The following CADPS variants were observed in gnomAD, a reference collection of about 807,000 sequenced individuals.
CADPS encodes the protein calcium dependent secretion activator.
In CADPS, 57 loss-of-function variants were observed where a neutral mutation model predicts 167.3. The observed-to-expected ratio is 0.34, with a 90% CI of 0.28 to 0.42. The LOEUF (loss-of-function observed/expected upper bound fraction) is 0.42, where lower values mean the gene tolerates loss of function less well. Ranked by LOEUF, CADPS falls within the 20% of genes least tolerant of loss-of-function variation. The pLI, the probability that CADPS is intolerant of heterozygous loss-of-function variation, is 1.00. For synonymous variants in CADPS, 676 were observed against 635.3 expected (o/e 1.06, Z -0.96); for missense variants, 1,414 against 1,738.1 (o/e 0.81, Z 3.32).
At chr3:62,483,816 C>T (rs1320489682) in intron 21 of CADPS, among the ~76,000 whole-genome samples, 3 of 152,078 alleles carry the variant, frequency 2.0e-5, no homozygotes, top group African/African-American at 7.2e-5. Flanking sequence ...TCCACTGAGA[C>T]ATGTGTAAGC....
intron 3 of CADPS, among the ~76,000 whole-genome samples, chr3:62,691,637 G>C (rs2079138901): frequency 6.6e-6 from 1 of 152,056 alleles, no homozygotes; most frequent in Non-Finnish European, 1.5e-5. Context: ...CAGGGACATG[G>C]ATGGAGTTGG....
At chr3:62,636,431 G>A (rs13096167) in intron 6 of CADPS, among the ~76,000 whole-genome samples, 50,562 of 152,096 alleles carry the variant, frequency 0.33, 9,076 homozygotes, top group East Asian at 0.6. Flanking sequence ...TAGCAGCTAC[G>A]GGCTGGCATG....
chr3:62,760,060 A>T (rs1012665554), intron 2 of CADPS, among the ~76,000 whole-genome samples: 3 of 152,058 alleles, frequency 2.0e-5, no homozygotes, highest in African/African-American at 7.2e-5. Context: ...TTTCTTTTCT[A>T]TGCCCTTTTC....
intron 2 of CADPS, among the ~76,000 whole-genome samples, chr3:62,760,291 A>G (rs1575989529): frequency 6.6e-6 from 1 of 152,328 alleles, no homozygotes; most frequent in South Asian, 2.1e-4. Context: ...TTAGGCAAGG[A>G]AGGTCCTATT....
intron 8 of CADPS, among the ~76,000 whole-genome samples, chr3:62,575,900 T>C (rs2082172506): frequency 6.6e-6 from 1 of 152,204 alleles, no homozygotes; most frequent in African/African-American, 2.4e-5. Flanking sequence ...GAGGTTTTCC[T>C]CGGAATTTAT....
At position 62,399,678 on chromosome 3, in the gene CADPS, C is replaced by T; in HGVS notation, c.3883-93G>A. On this transcript the variant is annotated intron_variant, in intron 29 of 29. Transcript: ENST00000383710. This position sits in a 1 kb window ranked among gnomAD's most constrained non-coding sequence, Gnocchi z 5.6. ...GCAGGTGTGGGTGGGAGAGCACTGACCTTCAGCTAAATATCACACTTTATG... is the reference window on the plus strand; with the variant it reads ...GCAGGTGTGGGTGGGAGAGCACTGATCTTCAGCTAAATATCACACTTTATG... 1.0e-6 allele frequency: 1 copy of T among 966,856 alleles called. No homozygotes were observed. Among genetic ancestry groups the T allele is most frequent in the Non-Finnish European group, 1.6e-6 (1 of 629,434 alleles). The allele number at this position is 966,856 out of a possible 1,614,324, so 59.9% of individuals were successfully genotyped here. A position where few individuals can be genotyped will look rare whatever the true frequency, so the allele number is the denominator to read the frequency against.
chr3:62,652,973 G>C (rs2150250337), intron 4 of CADPS, among the ~76,000 whole-genome samples: 1 of 152,188 alleles, frequency 6.6e-6, no homozygotes, highest in African/African-American at 2.4e-5. Flanking sequence ...CTTTGTGCTG[G>C]TCCAGTGCCA....
chr3:62,565,531 T>C (rs913163058), intron 9 of CADPS, among the ~76,000 whole-genome samples: 3 of 152,162 alleles, frequency 2.0e-5, no homozygotes, highest in Non-Finnish European at 2.9e-5. Flanking sequence ...CCAGACTTAC[T>C]GTATCAGAGT....
At chr3:62,694,864 C>T (rs1405239631) in intron 3 of CADPS, among the ~76,000 whole-genome samples, 1 of 152,056 alleles carries the variant, frequency 6.6e-6, no homozygotes, top group African/African-American at 2.4e-5. Flanking sequence ...GGGACTCTGT[C>T]TTACAGAATG....
intron 10 of CADPS, among the ~76,000 whole-genome samples, chr3:62,556,035 C>T (rs1478338684): frequency 6.6e-6 from 1 of 152,168 alleles, no homozygotes; most frequent in Non-Finnish European, 1.5e-5. Context: ...CCACTCCTCA[C>T]CCTAGCCTTC....
rs373497884 is a variant in CADPS, at chr3:62,445,121, T to C, written c.3669+644A>G. Among the ~76,000 whole-genome samples the C allele has an allele frequency of 2.0e-3, 300 of 152,330 alleles. 1 individual carries two copies. Among genetic ancestry groups the C allele is most frequent in the African/African-American group, 6.8e-3 (283 of 41,574 alleles). On this transcript the variant is annotated intron_variant, in intron 27 of 29. Transcript: ENST00000383710. ...AATCCCACACTTTAGCATTCATGTG[T>C]TGTACTTAACCTCAATTTAAATGTA... is the stretch of plus-strand genomic sequence containing the variant.
chr3:62,546,668 T>C (rs946738400), intron 11 of CADPS, among the ~76,000 whole-genome samples: 4 of 152,148 alleles, frequency 2.6e-5, no homozygotes, highest in South Asian at 2.1e-4. Context: ...ATACTGAACA[T>C]GTACAGACCT....
intron 21 of CADPS, 125 bp from the exon 22 acceptor site, chr3:62,481,994 GACACACTTCAGAAAGCAGCTT>G (rs2062089810): frequency 3.3e-6 from 3 of 896,722 alleles, no homozygotes; most frequent in Non-Finnish European, 5.3e-6. Context: ...AAACTCAAGC[GACACACTTCAGAAAGCAGCTT>G]ACAGATGGGA....
intron 16 of CADPS, 58 bp from the exon 17 acceptor site, chr3:62,512,826 C>T (rs927032146): frequency 3.4e-6 from 5 of 1,482,422 alleles, no homozygotes; most frequent in South Asian, 2.5e-5. Context: ...AACACATATG[C>T]AGAATTAATG....
At position 62,696,418 on chromosome 3, in the gene CADPS, C is replaced by CA. The variant is rs1245421189; in HGVS notation, c.889-34025dup. Among the ~76,000 whole-genome samples, 13 of 152,072 alleles carry CA rather than the reference C, an allele frequency of 8.5e-5. 1 individual carries two copies. The highest frequency in any genetic ancestry group is 3.1e-4 in the African/African-American group (13 of 41,374). On this transcript the variant is annotated intron_variant, in intron 3 of 29. Transcript: ENST00000383710. ...TTGCAGATACACCCTCTTTGCACCT[C>CA]ATTGCATCCCTGCCTCAGAAGTCTG...
At chr3:62,826,242 A>C (rs1334712869) in intron 1 of CADPS, among the ~76,000 whole-genome samples, 1 of 152,144 alleles carries the variant, frequency 6.6e-6, no homozygotes. Context: ...AAAAAGAGAA[A>C]GGAGATCCTC....
intron 1 of CADPS, among the ~76,000 whole-genome samples, chr3:62,808,065 G>C (rs1482510495): frequency 4.6e-5 from 7 of 151,774 alleles, no homozygotes; most frequent in Non-Finnish European, 8.8e-5. Flanking sequence ...AGTAGAGATG[G>C]GGTTTCACTA....
intron 17 of CADPS, among the ~76,000 whole-genome samples, chr3:62,509,360 G>C (rs2067311406): frequency 6.7e-6 from 1 of 148,182 alleles, no homozygotes; most frequent in African/African-American, 2.5e-5. Flanking sequence ...TCATGTATAA[G>C]ACATGAAGCA....
chr3:62,752,527 C>T (rs1053872821), intron 3 of CADPS, among the ~76,000 whole-genome samples: 5 of 152,086 alleles, frequency 3.3e-5, no homozygotes, highest in East Asian at 1.9e-4. Flanking sequence ...TTTATTAATT[C>T]GATAAACATT....
Sources: allele counts gnomAD v4.1 joint callset (sites outside exome capture counted in the v4.1 genomes callset), GRCh38; gene constraint gnomAD v4.1.1; non-coding constraint Gnocchi (gnomAD v3.1); transcripts MANE v1.5; gene names NCBI Gene and HGNC (gene_info 2026-07-23, HGNC 2026-07-21).